Variants in PTPRG observed in about 807,000 individuals in gnomAD.
PTPRG encodes receptor-type tyrosine-protein phosphatase gamma.
Under a neutral mutation model 165.3 loss-of-function variants are expected in PTPRG, and 102 were observed. The observed-to-expected ratio is 0.62, with a 90% CI of 0.53 to 0.73. PTPRG has a LOEUF of 0.73. Ranked by LOEUF, PTPRG falls within the 30% of genes least tolerant of loss-of-function variation. PTPRG has a pLI of 0.00. For synonymous variants in PTPRG, 675 were observed against 669.5 expected (o/e 1.01, Z -0.13); for missense variants, 1,866 against 1,861.4 (o/e 1.00, Z -0.05).
chr3:61,934,777 G>C (rs2039444692), intron 2 of PTPRG, among the ~76,000 whole-genome samples: 1 of 152,090 alleles, frequency 6.6e-6, no homozygotes, highest in African/African-American at 2.4e-5. Flanking sequence ...AACTTGGGTG[G>C]CCAGCAGCCA....
intron 1 of PTPRG, among the ~76,000 whole-genome samples, chr3:61,613,508 A>G (rs1347294730): frequency 2.0e-5 from 3 of 152,208 alleles, no homozygotes; most frequent in Non-Finnish European, 2.9e-5. Flanking sequence ...TCAAATGAAC[A>G]TTCTCTCAAG....
At chr3:61,771,787 AC>A (rs2034212697) in intron 2 of PTPRG, among the ~76,000 whole-genome samples, 1 of 152,128 alleles carries the variant, frequency 6.6e-6, no homozygotes, top group African/African-American at 2.4e-5. Context: ...CAGGCTGGGC[AC>A]AGTGGCTCAC....
chr3:62,218,953 T>G lies in PTPRG; in HGVS notation c.2258T>G (p.Ile753Ser). 1 of 1,614,172 alleles carries G rather than the reference T, an allele frequency of 6.2e-7. No individual in the cohort carries two copies. The highest frequency in any genetic ancestry group is 8.5e-7 in the Non-Finnish European group (1 of 1,180,008). ...VVSALTFVCL[I>S]LLIAVLVYWR... ...TCAGCCTTGACCTTCGTGTGCCTCATCCTTCTCATTGCTGTGCTCGTTTAC... is the reference window on the plus strand; with the variant it reads ...TCAGCCTTGACCTTCGTGTGCCTCAGCCTTCTCATTGCTGTGCTCGTTTAC... The change falls in exon 13 of 30, where the codon ATC becomes AGC. Residue 753 changes from isoleucine to serine, a missense_variant. Transcript: ENST00000474889.
At chr3:62,269,458 G>T (rs1701990814) in intron 20 of PTPRG, among the ~76,000 whole-genome samples, 1 of 152,042 alleles carries the variant, frequency 6.6e-6, no homozygotes, top group Admixed American at 6.6e-5. Flanking sequence ...AAATATGGCA[G>T]CATCTGTTTG....
At chr3:61,924,368 T>C (rs971146900) in intron 2 of PTPRG, among the ~76,000 whole-genome samples, 31 of 152,332 alleles carry the variant, frequency 2.0e-4, no homozygotes, top group Non-Finnish European at 4.0e-4. Flanking sequence ...GAGTTTGTGG[T>C]GGAAGAAAAC....
At chr3:62,080,127 G>A (rs181764948) in intron 5 of PTPRG, among the ~76,000 whole-genome samples, 1 of 149,696 alleles carries the variant, frequency 6.7e-6, no homozygotes, top group Non-Finnish European at 1.5e-5. Context: ...GAGTGCAGTG[G>A]CACTATCTCA....
At chr3:61,935,707 T>C (rs976846391) in intron 2 of PTPRG, among the ~76,000 whole-genome samples, 1 of 150,852 alleles carries the variant, frequency 6.6e-6, no homozygotes, top group Non-Finnish European at 1.5e-5. Flanking sequence ...TTTTTTTTAA[T>C]GTTGTAATTT....
chr3:61,862,263 G>A (rs549847185), intron 2 of PTPRG, among the ~76,000 whole-genome samples: 10 of 152,226 alleles, frequency 6.6e-5, no homozygotes, highest in South Asian at 2.1e-4. Context: ...GTGGGGGACC[G>A]CTGGTATAAT....
chr3:61,580,459 CA>C (rs1700263834), intron 1 of PTPRG, among the ~76,000 whole-genome samples: 1 of 149,236 alleles, frequency 6.7e-6, no homozygotes. Flanking sequence ...CAGCTCACTG[CA>C]ACCTCTGCCT....
chr3:61,641,679 G>A (rs1164079740), intron 1 of PTPRG, among the ~76,000 whole-genome samples: 1 of 152,084 alleles, frequency 6.6e-6, no homozygotes, highest in Non-Finnish European at 1.5e-5. Context: ...ACCTAATCCA[G>A]GTTTAGTAGT....
At chr3:62,196,990 G>A (rs1449524256) in intron 10 of PTPRG, among the ~76,000 whole-genome samples, 2 of 152,180 alleles carry the variant, frequency 1.3e-5, no homozygotes, top group Admixed American at 6.5e-5. Context: ...ATCTTACCTG[G>A]GGCAGGGGGC....
rs994444020 is a variant in PTPRG at position 62,296,070 on chromosome 3, T to C, written c.*2763T>C. 2.0e-5 allele frequency: 3 copies of C among 152,026 alleles called. No homozygotes were observed. The highest frequency in any genetic ancestry group is 2.9e-5 in the Non-Finnish European group (2 of 67,968). 9.4% of individuals were successfully genotyped at this position (152,026 alleles called of 1,614,324 possible). A position where few individuals can be genotyped will look rare whatever the true frequency, so the allele number is the denominator to read the frequency against. ...AATGCACACATCATATAAAAATAAA[T>C]TGCAATGATCAGACCAAGTGGCTGT... On this transcript the variant is annotated 3_prime_UTR_variant, in exon 30 of 30. Transcript: ENST00000474889.
intron 14 of PTPRG, among the ~76,000 whole-genome samples, chr3:62,242,657 A>G (rs1701187526): frequency 6.6e-6 from 1 of 151,980 alleles, no homozygotes; most frequent in South Asian, 2.1e-4. Flanking sequence ...TAGTTTCTTG[A>G]TTTTTCTCTA....
chr3:61,640,623 G>A (rs1044807227), intron 1 of PTPRG, among the ~76,000 whole-genome samples: 1 of 152,224 alleles, frequency 6.6e-6, no homozygotes, highest in African/African-American at 2.4e-5. Flanking sequence ...GCAAGGGTCT[G>A]AGCTGTCTGA....
At chr3:61,646,167 G>T (rs146075738) in intron 1 of PTPRG, among the ~76,000 whole-genome samples, 2 of 152,000 alleles carry the variant, frequency 1.3e-5, no homozygotes, top group Non-Finnish European at 2.9e-5. Context: ...GTGCAGTGGC[G>T]CAGTCTTGGC....
intron 6 of PTPRG, among the ~76,000 whole-genome samples, chr3:62,155,746 G>A (rs760295829): frequency 5.3e-5 from 8 of 152,080 alleles, no homozygotes; most frequent in Non-Finnish European, 1.0e-4. Context: ...CAGACTTCTC[G>A]AGTCTGGGGA....
chr3:62,037,467 A>G (rs1034087288), intron 4 of PTPRG, among the ~76,000 whole-genome samples: 17 of 152,174 alleles, frequency 1.1e-4, no homozygotes, highest in African/African-American at 3.6e-4. Flanking sequence ...GCAGCCCCCT[A>G]TAAGTTGTGA....
chr3:61,954,741 T>C (rs556887948), intron 2 of PTPRG, among the ~76,000 whole-genome samples: 4 of 152,292 alleles, frequency 2.6e-5, no homozygotes, highest in African/African-American at 9.6e-5. Context: ...GTTATAGCAG[T>C]GGTCCACTGG....
chr3:62,161,161 T>C (rs928276217), intron 7 of PTPRG, among the ~76,000 whole-genome samples: 7 of 152,178 alleles, frequency 4.6e-5, no homozygotes, highest in African/African-American at 1.7e-4. Context: ...ATGTATAAAA[T>C]GCTTAGACTA....
Sources: gnomAD v4.1 joint callset for allele counts (sites outside exome capture counted in the v4.1 genomes callset) on GRCh38, gnomAD v4.1.1 for gene constraint, MANE v1.5 for transcripts, NCBI Gene and HGNC (gene_info 2026-07-23, HGNC 2026-07-21) for gene names.